The following SMURF2 variants were observed in gnomAD, a reference collection of about 807,000 sequenced individuals.
SMURF2 encodes E3 ubiquitin-protein ligase SMURF2.
SMURF2 carries 48 observed loss-of-function variants against 109.6 expected under a neutral mutation model. The observed-to-expected ratio is 0.44, with a 90% CI of 0.35 to 0.56. The LOEUF (loss-of-function observed/expected upper bound fraction) is 0.56. SMURF2 is among the 20% of genes least tolerant of loss of function. The pLI is 0.01. For missense variants in SMURF2, 575 were observed against 909.0 expected (o/e 0.63, Z 4.72); for synonymous variants, 288 against 317.1 (o/e 0.91, Z 0.97).
At chr17:64,587,348 T>C (rs1248238352) in intron 5 of SMURF2, among the ~76,000 whole-genome samples, 1 of 152,224 alleles carries the variant, frequency 6.6e-6, no homozygotes, top group Non-Finnish European at 1.5e-5. Context: ...ATGTGAATTC[T>C]AGAGCAGGCT....
intron 8 of SMURF2, among the ~76,000 whole-genome samples, chr17:64,579,479 G>A (rs1354768473): frequency 6.6e-6 from 1 of 152,156 alleles, no homozygotes; most frequent in Non-Finnish European, 1.5e-5. Flanking sequence ...GAGGACAGCT[G>A]TAATAACTTC....
chr17:64,653,123 A>G (rs1284314432), intron 1 of SMURF2, among the ~76,000 whole-genome samples: 1 of 152,094 alleles, frequency 6.6e-6, no homozygotes, highest in Non-Finnish European at 1.5e-5. Context: ...TGGGGGAGCT[A>G]CAGTCCGGGA....
At position 64,625,882 on chromosome 17, in the gene SMURF2, T is replaced by C. The variant is rs145838414; in HGVS notation, c.53-19242A>G. Among the ~76,000 whole-genome samples the C allele has an allele frequency of 2.6e-5, 4 of 152,270 alleles. No individual in the cohort carries two copies. The East Asian group carries it at 5.8e-4, about 22-fold the overall frequency. ...TCCTTTGAAAATTTAAGAAAAACTA[T>C]GTACTTAGACAATACACACACTTTA... On this transcript the variant is annotated intron_variant, in intron 1 of 18. Coordinates refer to ENST00000262435, the MANE Select transcript of SMURF2 (RefSeq NM_022739.4).
intron 1 of SMURF2, among the ~76,000 whole-genome samples, chr17:64,661,293 G>T (rs560037158): frequency 6.0e-4 from 91 of 152,132 alleles, no homozygotes; most frequent in African/African-American, 1.2e-3. Context: ...TGTGTGGCCC[G>T]GGCAGCGGTG....
intron 8 of SMURF2, among the ~76,000 whole-genome samples, chr17:64,579,854 T>C (rs1168175140): frequency 6.6e-6 from 1 of 152,236 alleles, no homozygotes. Flanking sequence ...CCTAAGTCTG[T>C]CTGTCACTCA....
At chr17:64,564,182 T>C (rs949618729) in intron 10 of SMURF2, among the ~76,000 whole-genome samples, 5 of 152,212 alleles carry the variant, frequency 3.3e-5, no homozygotes, top group Non-Finnish European at 5.9e-5. Context: ...ATGTTCATAA[T>C]AGTTTTATCT....
At chr17:64,569,354 A>G (rs1555685377) in intron 10 of SMURF2, among the ~76,000 whole-genome samples, 1 of 152,184 alleles carries the variant, frequency 6.6e-6, no homozygotes, top group East Asian at 1.9e-4. Flanking sequence ...TAAAGACTTT[A>G]CAGTAAAAGA....
intron 1 of SMURF2, among the ~76,000 whole-genome samples, chr17:64,606,984 TA>T (rs1969979313): frequency 6.6e-6 from 1 of 152,078 alleles, no homozygotes; most frequent in South Asian, 2.1e-4. Context: ...GTCAGGTTGT[TA>T]TATCTATTTT....
chr17:64,550,508 G>A (rs192437212), intron 16 of SMURF2, among the ~76,000 whole-genome samples: 50 of 152,212 alleles, frequency 3.3e-4, no homozygotes, highest in Non-Finnish European at 1.6e-4. Context: ...GGCCAGGTGC[G>A]GTGGCTCACA....
intron 2 of SMURF2, among the ~76,000 whole-genome samples, chr17:64,599,426 G>A (rs1969862522): frequency 6.6e-6 from 1 of 152,196 alleles, no homozygotes; most frequent in Non-Finnish European, 1.5e-5. Flanking sequence ...GTTTGAATCT[G>A]AACAGTAAAG....
chr17:64,593,457 C>A lies in SMURF2; in HGVS notation c.317G>T (p.Arg106Leu), dbSNP rs781849582. Residue 106 changes from arginine to leucine, a missense_variant, in exon 4 of 19, where the codon CGC becomes CTC. Physicochemically the swap from Arg to Leu is moderately radical, Grantham distance 102 (BLOSUM62 -2). Around this residue, in one of 5 missense-constraint regions of SMURF2, gnomAD observed 151 missense variants for 178.4 expected, o/e 0.85. Coordinates refer to ENST00000262435, the MANE Select transcript of SMURF2 (RefSeq NM_022739.4). ...CTACTCACAACCAGTGTCTTTGAGG[C>A]GGTTGATGGCATTGGAAAGAAGACG... ...CVRLLSNAIN[R>L]LKDTGYQRLD... The A allele has an allele frequency of 3.1e-6, 5 of 1,607,800 alleles. No homozygotes were observed. In the East Asian group the frequency reaches 1.1e-4, roughly 36 times the overall value.
At chr17:64,635,980 A>G (rs1970411048) in intron 1 of SMURF2, among the ~76,000 whole-genome samples, 1 of 152,176 alleles carries the variant, frequency 6.6e-6, no homozygotes, top group South Asian at 2.1e-4. Flanking sequence ...CTTTGCTAAC[A>G]TTTGTTATTT....
intron 1 of SMURF2, among the ~76,000 whole-genome samples, chr17:64,625,299 C>A (rs1247604862): frequency 6.6e-6 from 1 of 152,198 alleles, no homozygotes; most frequent in African/African-American, 2.4e-5. Context: ...AGGGAATCTG[C>A]AGTGCTTACC....
At chr17:64,633,001 T>C (rs891802943) in intron 1 of SMURF2, among the ~76,000 whole-genome samples, 1 of 152,260 alleles carries the variant, frequency 6.6e-6, no homozygotes, top group Non-Finnish European at 1.5e-5. Context: ...CTGCATGTGG[T>C]GGCTCAAGTC....
intron 1 of SMURF2, among the ~76,000 whole-genome samples, chr17:64,652,641 C>T (rs1297133656): frequency 6.6e-6 from 1 of 152,192 alleles, no homozygotes; most frequent in African/African-American, 2.4e-5. Flanking sequence ...GCACCTGCCA[C>T]ACACCTGGCT....
intron 1 of SMURF2, among the ~76,000 whole-genome samples, chr17:64,627,169 C>T (rs1970279178): frequency 7.5e-6 from 1 of 134,044 alleles, no homozygotes; most frequent in Non-Finnish European, 1.5e-5. Context: ...GGCTGGAGTA[C>T]AATGACACAA....
chr17:64,563,976 G>A (rs1381257100), intron 10 of SMURF2, among the ~76,000 whole-genome samples: 1 of 152,120 alleles, frequency 6.6e-6, no homozygotes, highest in Non-Finnish European at 1.5e-5. Context: ...TCATAGACTA[G>A]GAAAATTCCT....
Position 64,544,879 on chromosome 17 carries a change from A to C in SMURF2, c.*969T>G, listed in dbSNP as rs1555682942. 1 of 152,618 alleles carries C rather than the reference A, an allele frequency of 6.6e-6. No individual in the cohort carries two copies. The highest frequency in any genetic ancestry group is 2.4e-5 in the African/African-American group (1 of 41,450). The allele number at this position is 152,618 out of a possible 1,614,324, so 9.5% of individuals were successfully genotyped here. On this transcript the variant is annotated 3_prime_UTR_variant, in exon 19 of 19. Transcript: ENST00000262435. ...TACACTGTAGTTAAAATACAATATA[A>C]ATTAGGTGCACTTGTCAGAGACTTT...
intron 10 of SMURF2, among the ~76,000 whole-genome samples, chr17:64,564,399 G>A (rs1019454100): frequency 1.3e-5 from 2 of 152,180 alleles, no homozygotes; most frequent in Non-Finnish European, 2.9e-5. Flanking sequence ...CAGAAAGCAG[G>A]TCAGCAGTTG....
Sources: gnomAD v4.1 joint callset for allele counts (sites outside exome capture counted in the v4.1 genomes callset) on GRCh38, gnomAD v4.1.1 for gene constraint, gnomAD v4.1.1 regional missense constraint, MANE v1.5 for transcripts, NCBI Gene and HGNC (gene_info 2026-07-23, HGNC 2026-07-21) for gene names.